CHKB: variants seen among roughly 807,000 people sequenced by gnomAD.
CHKB encodes choline kinase beta.
Under a neutral mutation model 57.3 loss-of-function variants are expected in CHKB, and 45 were observed. That is an observed-to-expected ratio of 0.79 (90% CI 0.62 to 1.01). The LOEUF is 1.01. Among genes scored for constraint, CHKB ranks in the 50% least tolerant of loss-of-function variants. CHKB has a pLI of 0.00. For missense variants in CHKB, 517 were observed against 502.8 expected (o/e 1.03, Z -0.27); for synonymous variants, 224 against 201.8 (o/e 1.11, Z -0.93).
intron 4 of CHKB, 70 bp from the exon 5 acceptor site, chr22:50,580,730 G>T: frequency 7.5e-7 from 1 of 1,339,008 alleles, no homozygotes; most frequent in Non-Finnish European, 1.1e-6. Flanking sequence ...TACCCCTCAG[G>T]CCAGACTACT....
intron 3 of CHKB, 78 bp from the exon 4 acceptor site, chr22:50,581,631 G>A (rs900029985): frequency 5.0e-6 from 8 of 1,601,812 alleles, no homozygotes; most frequent in South Asian, 2.2e-5. Flanking sequence ...GGGGAAGTCA[G>A]GGTTTTGGGG....
intron 1 of CHKB, 47 bp from the exon 2 acceptor site, chr22:50,582,404 GCCGCGGCCCCGGCCCCCT>G: frequency 6.6e-7 from 1 of 1,505,550 alleles, no homozygotes; most frequent in Non-Finnish European, 8.9e-7. Flanking sequence ...GGCCCTACCT[GCCGCGGCCCCGGCCCCCT>G]CCCGGCCAGG....
Position 50,579,795 on chromosome 22 carries a change from C to T in CHKB, c.963G>A (p.Lys321=). The change falls in exon 9 of 11, where the codon AAG becomes AAA. Residue 321 remains lysine, a synonymous_variant. Coordinates refer to ENST00000406938, the MANE Select transcript of CHKB (RefSeq NM_005198.5). ...HFIRHYLAEA[K]KGETLSQEEQ... is the part of the protein sequence containing the mutation. ...CCTCTTGGGAGAGGGTCTCACCTTT[C>T]TTTGCCTCTGCCAGGTAATGACGAA... is the stretch of plus-strand genomic sequence containing the variant. The T allele has an allele frequency of 1.9e-6, 3 of 1,614,038 alleles. No homozygotes were observed. The highest frequency in any genetic ancestry group is 2.5e-6 in the Non-Finnish European group (3 of 1,180,038).
chr22:50,579,372 C>T lies in CHKB; in HGVS notation c.1113+54G>A, dbSNP rs2070621485. The T allele has an allele frequency of 1.9e-6, 3 of 1,587,732 alleles. No homozygotes were observed. The South Asian group carries it at 3.4e-5, about 18-fold the overall frequency. ...CCCCAGGCCTCCTGGAAGAGTGTGG[C>T]TGCTGCTGCTCCCCAGCCCCCCAGC... On this transcript the variant is annotated intron_variant, in intron 10 of 10. Transcript: ENST00000406938.
chr22:50,581,544 A>G lies in CHKB; in HGVS notation c.457T>C (p.Leu153=), dbSNP rs146693439. Residue 153 remains leucine (L), a synonymous_variant, in exon 4 of 11, where the codon TTG becomes CTG. Transcript: ENST00000406938. The part of the protein sequence containing the change: ...RLEQYIPSRP[L]KTQELREPVL... ...GGCTCTCGAAGCTCTTGAGTTTTCA[A>G]TGGCCGACTCTGCACCCAGGAAGCT... 3,184 of 1,613,962 alleles carry G rather than the reference A, an allele frequency of 2.0e-3. 11 individuals are homozygous for G. The highest frequency in any genetic ancestry group is 2.3e-3 in the Non-Finnish European group (2,673 of 1,180,020).
At chr22:50,582,057 T>G in intron 2 of CHKB, 192 bp downstream of exon 2, 2 of 766,646 alleles carry the variant, frequency 2.6e-6, no homozygotes, top group Non-Finnish European at 4.6e-6. Context: ...CTCGAACTCC[T>G]GTGCTCAAGT....
chr22:50,579,510 G>A lies in CHKB; in HGVS notation c.1032-3C>T. The stretch of plus-strand genomic sequence containing the variant: ...AGAAATGGGATGCCAGAGCATACCT[G>A]GGGGGAGGGCAGGAAAAGGAGGGGC... On this transcript the variant is annotated splice_polypyrimidine_tract_variant and splice_region_variant and intron_variant, in intron 9 of 10. Coordinates refer to ENST00000406938, the MANE Select transcript of CHKB (RefSeq NM_005198.5). 1 of 1,612,832 alleles carries A rather than the reference G, an allele frequency of 6.2e-7. No individual in the cohort carries two copies. Among genetic ancestry groups the A allele is most frequent in the African/African-American group, 1.3e-5 (1 of 74,974 alleles).
intron 4 of CHKB, among the ~76,000 whole-genome samples, chr22:50,581,219 C>T (rs553766018): frequency 6.6e-6 from 1 of 152,288 alleles, no homozygotes; most frequent in South Asian, 2.1e-4. Flanking sequence ...TCCCACCTCA[C>T]CCACCTCGGC....
At chr22:50,580,513 C>T in intron 5 of CHKB, 52 bp downstream of exon 5, 1 of 1,609,962 alleles carries the variant, frequency 6.2e-7, no homozygotes, top group Non-Finnish European at 8.5e-7. Context: ...CCCTCAGCAA[C>T]TACTGGAAGG....
Position 50,579,985 on chromosome 22 carries a change from G to C in CHKB, c.916C>G (p.Gln306Glu), listed in dbSNP as rs779131876. Reference protein sequence around the residue: ...YKARPTDYPTQEQQLHFIRHY... With the variant: ...YKARPTDYPTEEQQLHFIRHY... ...TCTGGCCCACATACCTGCTGTTCTT[G>C]AGTGGGGTAGTCTGTGGGCCTTGCT... The change falls in exon 8 of 11, where the codon CAA becomes GAA. Residue 306 changes from glutamine to glutamate, a missense_variant. Coordinates refer to ENST00000406938, the MANE Select transcript of CHKB (RefSeq NM_005198.5). 2 of 1,613,948 alleles carry C rather than the reference G, an allele frequency of 1.2e-6. No homozygotes were observed. The highest frequency in any genetic ancestry group is 1.1e-5 in the South Asian group (1 of 91,078).
chr22:50,579,344 A>T, intron 10 of CHKB, 82 bp downstream of exon 10: 1 of 1,577,636 alleles, frequency 6.3e-7, no homozygotes, highest in Non-Finnish European at 8.7e-7. Flanking sequence ...GCCACCCGGG[A>T]CTCCCCAGGC....
In CHKB at chr22:50,580,574, C is replaced by T. The variant is rs369606974; in HGVS notation, c.668G>A (p.Gly223Asp). The T allele has an allele frequency of 1.3e-5, 21 of 1,613,978 alleles. No homozygotes were observed. The African/African-American group carries it at 2.3e-4, about 17-fold the overall frequency. Residue 223 changes from glycine (G) to aspartate (D), a missense_variant, in exon 5 of 11, where the codon GGC becomes GAC. Gly to Asp is a moderately conservative substitution (Grantham distance 94). Coordinates refer to ENST00000406938, the MANE Select transcript of CHKB (RefSeq NM_005198.5). ...LEMYSLKDEMGNLRKLLESTP... is the reference protein window; with the variant it reads ...LEMYSLKDEMDNLRKLLESTP... ...TCCTGCCTGCCCTCACCTGAGGTTG[C>T]CCATCTCATCCTTCAGGCTGTACAT... is the stretch of plus-strand genomic sequence containing the variant.
intron 7 of CHKB, 31 bp from the exon 8 acceptor site, chr22:50,580,113 A>G: frequency 6.2e-7 from 1 of 1,613,240 alleles, no homozygotes; most frequent in Non-Finnish European, 8.5e-7. Context: ...TTCAGTCCCC[A>G]AATGCCCTGG....
chr22:50,582,837 C>G lies in CHKB; in HGVS notation c.-56G>C. Reference sequence around the variant, plus strand: ...CTGCGCTCCGCTCCCTTCGGACGGGCTCGGTTCCTTCCGGCCGCGCTCGGC... The same window carrying G: ...CTGCGCTCCGCTCCCTTCGGACGGGGTCGGTTCCTTCCGGCCGCGCTCGGC... On this transcript the variant is annotated 5_prime_UTR_variant, in exon 1 of 11. Coordinates refer to ENST00000406938, the MANE Select transcript of CHKB (RefSeq NM_005198.5). 1 of 1,308,528 alleles carries G rather than the reference C, an allele frequency of 7.6e-7. No homozygotes were observed. Among genetic ancestry groups the G allele is most frequent in the African/African-American group, 1.5e-5 (1 of 66,428 alleles). The allele number at this position is 1,308,528 out of a possible 1,614,324, so 81.1% of individuals were successfully genotyped here.
chr22:50,581,327 T>G, intron 4 of CHKB, 93 bp downstream of exon 4: 1 of 1,523,578 alleles, frequency 6.6e-7, no homozygotes, highest in South Asian at 1.2e-5. Flanking sequence ...TCAGATCCAC[T>G]CAAGTGGAGG....
At chr22:50,581,697 G>C in intron 3 of CHKB, 52 bp downstream of exon 3, 1 of 1,583,948 alleles carries the variant, frequency 6.3e-7, no homozygotes. Flanking sequence ...ACTGGGGTAG[G>C]GTTAGGGGGT....
At chr22:50,580,901 TC>T in intron 4 of CHKB, 2 of 484,756 alleles carry the variant, frequency 4.1e-6, no homozygotes, top group South Asian at 4.0e-5. Flanking sequence ...TGCCTCAGCC[TC>T]CCGAGTAGCT....
In CHKB at chr22:50,579,202, G is replaced by C. The variant is rs746752350; in HGVS notation, c.1167C>G (p.Thr389=). The change falls in exon 11 of 11, where the codon ACC becomes ACG. Residue 389 remains threonine (T), a synonymous_variant. Coordinates refer to ENST00000406938, the MANE Select transcript of CHKB (RefSeq NM_005198.5). ...QFYFQQKGQL[T]SVHSSS ...GGAGTCAGGATGAGGAGTGGACACT[G>C]GTCAGCTGCCCCTTCTGCTGGAAGT... 1 of 1,613,630 alleles carries C rather than the reference G, an allele frequency of 6.2e-7. No homozygotes were observed. Among genetic ancestry groups the C allele is most frequent in the Non-Finnish European group, 8.5e-7 (1 of 1,179,830 alleles).
rs907132023 is a variant in CHKB at position 50,582,623 on chromosome 22, G to A, written c.159C>T (p.Cys53=). 6.2e-7 allele frequency: 1 copy of A among 1,611,324 alleles called. No individual in the cohort carries two copies. The highest frequency in any genetic ancestry group is 8.5e-7 in the Non-Finnish European group (1 of 1,179,482). The change falls in exon 1 of 11, where the codon TGC becomes TGT. Residue 53 remains cysteine, a synonymous_variant. Transcript: ENST00000406938. ...GCCAGGCCCCGCCCAAGTACTCCCG[G>A]CACCATTGGTAGGCTCGGCGCTCGG... ...RDAERRAYQW[C]REYLGGAWRR... is the part of the protein sequence containing the mutation.
Sources: allele counts gnomAD v4.1 joint callset (sites outside exome capture counted in the v4.1 genomes callset), GRCh38; gene constraint gnomAD v4.1.1; transcripts MANE v1.5; gene names NCBI Gene and HGNC (gene_info 2026-07-23, HGNC 2026-07-21).